ALCAM: variants seen among roughly 807,000 people sequenced by gnomAD.
ALCAM encodes the protein activated leukocyte cell adhesion molecule.
In ALCAM, 30 loss-of-function variants were observed where a neutral mutation model predicts 70.9. The ratio of observed to expected loss-of-function variants is 0.42; its 90% CI spans 0.32 to 0.57. The LOEUF (loss-of-function observed/expected upper bound fraction) is 0.57. Among genes scored for constraint, ALCAM ranks in the 20% least tolerant of loss-of-function variants. ALCAM has a pLI of 0.11. For synonymous variants in ALCAM, 249 were observed against 242.5 expected (o/e 1.03, Z -0.25); for missense variants, 591 against 695.1 (o/e 0.85, Z 1.68).
intron 7 of ALCAM, among the ~76,000 whole-genome samples, chr3:105,540,500 G>A (rs1225974876): frequency 6.6e-6 from 1 of 151,990 alleles, no homozygotes; most frequent in African/African-American, 2.4e-5. Flanking sequence ...AGTAGGGATA[G>A]TTCTGTTGCA....
rs796737454 is a variant in ALCAM at position 105,490,872 on chromosome 3, T to C, written c.74-29195T>C. Among the ~76,000 whole-genome samples, 20 of 152,276 alleles carry C rather than the reference T, an allele frequency of 1.3e-4. 1 individual carries two copies. The highest frequency in any genetic ancestry group is 4.6e-4 in the African/African-American group (19 of 41,568). On this transcript the variant is annotated intron_variant, in intron 1 of 15. Coordinates refer to ENST00000306107, the MANE Select transcript of ALCAM (RefSeq NM_001627.4). ...GCACACAGTGCAAGCTGTGGATGGA[T>C]CTACAATTCTGAGGGCTGCAAGATG...
In ALCAM at chr3:105,575,015, G is replaced by A. The variant is rs1008033290; in HGVS notation, c.*564G>A. On this transcript the variant is annotated 3_prime_UTR_variant, in exon 16 of 16. Coordinates refer to ENST00000306107, the MANE Select transcript of ALCAM (RefSeq NM_001627.4). ...CTGTGATTTTTATCACAAGGGAGGGGAGGCCGAGAGTCAGACTGATAGACA... is the reference window on the plus strand; with the variant it reads ...CTGTGATTTTTATCACAAGGGAGGGAAGGCCGAGAGTCAGACTGATAGACA... 6 of 152,442 alleles carry A rather than the reference G, an allele frequency of 3.9e-5. No individual in the cohort carries two copies. The highest frequency in any genetic ancestry group is 8.8e-5 in the Non-Finnish European group (6 of 68,008). 9.4% of individuals were successfully genotyped at this position (152,442 alleles called of 1,614,324 possible). A position where few individuals can be genotyped will look rare whatever the true frequency, so the allele number is the denominator to read the frequency against.
At chr3:105,461,043 G>A (rs963568328) in intron 1 of ALCAM, among the ~76,000 whole-genome samples, 9 of 144,332 alleles carry the variant, frequency 6.2e-5, no homozygotes, top group African/African-American at 1.0e-4. Context: ...TGTGGTGTGC[G>A]TTGGGGTGAA....
chr3:105,472,604 A>G (rs1937966372), intron 1 of ALCAM, among the ~76,000 whole-genome samples: 1 of 151,580 alleles, frequency 6.6e-6, no homozygotes. Flanking sequence ...TTATGGGTCT[A>G]GAAACTGAGG....
chr3:105,390,245 AT>A (rs1935781406), intron 1 of ALCAM, among the ~76,000 whole-genome samples: 1 of 150,960 alleles, frequency 6.6e-6, no homozygotes, highest in Non-Finnish European at 1.5e-5. Flanking sequence ...CCTTGCCAGC[AT>A]CTGCAGCATC....
rs1466837548 is a variant in ALCAM at position 105,453,402 on chromosome 3, T to C, written c.74-66665T>C. Among the ~76,000 whole-genome samples the C allele has an allele frequency of 2.6e-5, 4 of 152,198 alleles. No individual in the cohort carries two copies. In the East Asian group the frequency reaches 7.7e-4, roughly 29 times the overall value. ...GGTTGTAGATGTGTGGTGTTATTTC[T>C]AAGGTCTCCATTCTGCTGCATTGGT... is the stretch of plus-strand genomic sequence containing the variant. On this transcript the variant is annotated intron_variant, in intron 1 of 15. Transcript: ENST00000306107.
At chr3:105,494,733 T>C (rs1362185704) in intron 1 of ALCAM, among the ~76,000 whole-genome samples, 1 of 151,620 alleles carries the variant, frequency 6.6e-6, no homozygotes, top group Non-Finnish European at 1.5e-5. Context: ...GATCATAGCC[T>C]ACGACAGCTT....
intron 1 of ALCAM, among the ~76,000 whole-genome samples, chr3:105,421,723 G>A (rs1936656334): frequency 6.6e-6 from 1 of 151,406 alleles, no homozygotes; most frequent in African/African-American, 2.4e-5. Flanking sequence ...AAAGAATTTT[G>A]TTCATTCTTG....
chr3:105,447,370 T>C (rs531795532), intron 1 of ALCAM, among the ~76,000 whole-genome samples: 1 of 152,286 alleles, frequency 6.6e-6, no homozygotes, highest in East Asian at 1.9e-4. Context: ...TTTTAGAGAT[T>C]GTATTTTTAA....
At chr3:105,461,320 A>T (rs1033331490) in intron 1 of ALCAM, among the ~76,000 whole-genome samples, 1 of 151,860 alleles carries the variant, frequency 6.6e-6, no homozygotes, top group Non-Finnish European at 1.5e-5. Context: ...GCAACTAACT[A>T]AAAATTGAAA....
intron 3 of ALCAM, 57 bp from the exon 4 acceptor site, chr3:105,531,945 A>T: frequency 7.3e-7 from 1 of 1,377,752 alleles, no homozygotes. Context: ...GAATCAAATC[A>T]CAGAAGTCCC....
intron 14 of ALCAM, among the ~76,000 whole-genome samples, chr3:105,571,176 G>A (rs1184949371): frequency 6.6e-6 from 1 of 152,192 alleles, no homozygotes; most frequent in Non-Finnish European, 1.5e-5. Flanking sequence ...AGAGATCGCA[G>A]GTCCCATCCC....
chr3:105,519,771 G>T (rs1017913), intron 1 of ALCAM, among the ~76,000 whole-genome samples: 97,332 of 151,946 alleles, frequency 0.64, 31,793 homozygotes, highest in East Asian at 0.93. Context: ...CAGATTCCAC[G>T]ATGTTCCTTT....
At chr3:105,498,333 A>G (rs1938817238) in intron 1 of ALCAM, among the ~76,000 whole-genome samples, 1 of 152,174 alleles carries the variant, frequency 6.6e-6, no homozygotes, top group African/African-American at 2.4e-5. Flanking sequence ...ACAAAACACA[A>G]TGTAAAATGT....
chr3:105,535,732 GA>G (rs141771983), intron 6 of ALCAM, among the ~76,000 whole-genome samples: 24,186 of 151,828 alleles, frequency 0.16, 2,041 homozygotes, highest in Admixed American at 0.27. Flanking sequence ...TATTTGGGGG[GA>G]AAATGCAATA....
intron 1 of ALCAM, among the ~76,000 whole-genome samples, chr3:105,504,228 G>C (rs1045820007): frequency 1.3e-5 from 2 of 152,130 alleles, no homozygotes; most frequent in Admixed American, 1.3e-4. Flanking sequence ...GCAGGTTATG[G>C]GGCAGGTTAT....
At chr3:105,538,803 A>C (rs1940039932) in intron 6 of ALCAM, among the ~76,000 whole-genome samples, 1 of 152,158 alleles carries the variant, frequency 6.6e-6, no homozygotes. Flanking sequence ...AATCCAGAAA[A>C]ACAAATAAGA....
At chr3:105,496,645 A>G (rs1022814037) in intron 1 of ALCAM, among the ~76,000 whole-genome samples, 8 of 152,148 alleles carry the variant, frequency 5.3e-5, no homozygotes, top group Non-Finnish European at 1.0e-4. Context: ...GTTCTCTGCA[A>G]GGTCTTTTGA....
At chr3:105,501,821 G>A (rs1183791893) in intron 1 of ALCAM, among the ~76,000 whole-genome samples, 2 of 152,122 alleles carry the variant, frequency 1.3e-5, no homozygotes, top group Non-Finnish European at 2.9e-5. Flanking sequence ...ATAAAGCATA[G>A]TGCCTGCCAA....
Sources: gnomAD v4.1 joint callset for allele counts (sites outside exome capture counted in the v4.1 genomes callset) on GRCh38, gnomAD v4.1.1 for gene constraint, MANE v1.5 for transcripts, NCBI Gene and HGNC (gene_info 2026-07-23, HGNC 2026-07-21) for gene names.